Variants in SLC35D2 observed in about 807,000 individuals in gnomAD.
SLC35D2 encodes solute carrier family 35 member D2, also known as nucleotide sugar transporter SLC35D2.
Under a neutral mutation model 41.8 loss-of-function variants are expected in SLC35D2, and 43 were observed. That is an observed-to-expected ratio of 1.03 (90% CI 0.81 to 1.33). The LOEUF is 1.33. SLC35D2 is among the 40% of genes most tolerant of loss of function. The probability of loss-of-function intolerance (pLI) is 0.00; values close to 1 mark genes in which losing one functional copy is unlikely to be tolerated. For synonymous variants in SLC35D2, 150 were observed against 163.9 expected (o/e 0.92, Z 0.65); for missense variants, 380 against 408.4 (o/e 0.93, Z 0.60).
At chr9:96,365,244 G>T (rs569117652) in intron 2 of SLC35D2, among the ~76,000 whole-genome samples, 1 of 151,834 alleles carries the variant, frequency 6.6e-6, no homozygotes, top group Non-Finnish European at 1.5e-5. Context: ...CAGCTATTCG[G>T]GATACCGAGG....
chr9:96,324,031 G>A, intron 10 of SLC35D2, 60 bp downstream of exon 10: 1 of 1,450,104 alleles, frequency 6.9e-7, no homozygotes, highest in Non-Finnish European at 9.7e-7. Flanking sequence ...GCCTCCCATG[G>A]AATATTTGGA....
intron 4 of SLC35D2, among the ~76,000 whole-genome samples, chr9:96,353,744 G>T (rs1177702653): frequency 6.6e-6 from 1 of 152,190 alleles, no homozygotes; most frequent in African/African-American, 2.4e-5. Flanking sequence ...AAAATATATA[G>T]TTAAGAACCT....
At chr9:96,326,738 G>A (rs966999367) in intron 9 of SLC35D2, among the ~76,000 whole-genome samples, 9 of 151,502 alleles carry the variant, frequency 5.9e-5, no homozygotes, top group South Asian at 4.2e-4. Context: ...CCTGAGAGGC[G>A]GAGGTTGCAG....
chr9:96,324,406 T>TTAAG (rs1828409736), intron 9 of SLC35D2, among the ~76,000 whole-genome samples: 2 of 152,228 alleles, frequency 1.3e-5, no homozygotes, highest in Non-Finnish European at 2.9e-5. Flanking sequence ...TCATTTTCTC[T>TTAAG]GTACATTTCC....
chr9:96,344,858 T>C (rs1055390981), intron 7 of SLC35D2, among the ~76,000 whole-genome samples: 2 of 151,996 alleles, frequency 1.3e-5, no homozygotes, highest in African/African-American at 4.8e-5. Flanking sequence ...TCCATTGCAG[T>C]CATTTCATTC....
downstream of SLC35D2, among the ~76,000 whole-genome samples, chr9:96,318,227 G>A (rs10990415): frequency 0.54 from 81,340 of 151,898 alleles, 22,023 homozygotes; most frequent in African/African-American, 0.61. Flanking sequence ...TAGGAGGCCA[G>A]GGTGGGAGAA....
At chr9:96,317,969 G>A (rs1482434535), downstream of SLC35D2, among the ~76,000 whole-genome samples, 1 of 150,688 alleles carries the variant, frequency 6.6e-6, no homozygotes, top group African/African-American at 2.4e-5. Context: ...CTAGGAGTTC[G>A]AGATTGTAGT....
At chr9:96,342,772 A>G (rs949530801) in intron 8 of SLC35D2, among the ~76,000 whole-genome samples, 2 of 152,212 alleles carry the variant, frequency 1.3e-5, no homozygotes, top group African/African-American at 4.8e-5. Flanking sequence ...CAAGTGAGAA[A>G]GTCCAGCTGG....
chr9:96,333,467 C>T (rs1276983722), intron 9 of SLC35D2, among the ~76,000 whole-genome samples: 2 of 151,506 alleles, frequency 1.3e-5, no homozygotes, highest in Non-Finnish European at 2.9e-5. Flanking sequence ...TGGTGGCGGG[C>T]GCCTGTAGTC....
intron 7 of SLC35D2, 24 bp from the exon 8 acceptor site, chr9:96,344,020 C>A: frequency 2.0e-6 from 3 of 1,496,650 alleles, no homozygotes; most frequent in Non-Finnish European, 1.8e-6. Context: ...AATGTAAAAA[C>A]CACTCAGTTT....
intron 11 of SLC35D2, 121 bp downstream of exon 11, chr9:96,321,877 T>C: frequency 4.8e-6 from 3 of 626,106 alleles, no homozygotes; most frequent in Non-Finnish European, 5.7e-6. Flanking sequence ...AATTAGAATG[T>C]CAAAACGCCT....
chr9:96,337,362 G>T (rs528853795), intron 8 of SLC35D2, among the ~76,000 whole-genome samples: 2 of 151,952 alleles, frequency 1.3e-5, no homozygotes, highest in East Asian at 3.9e-4. Flanking sequence ...TACAGGCACA[G>T]GCCACCATGC....
chr9:96,360,664 C>T (rs1830234379), intron 3 of SLC35D2, among the ~76,000 whole-genome samples: 1 of 144,998 alleles, frequency 6.9e-6, no homozygotes, highest in Non-Finnish European at 1.5e-5. Context: ...AGAAAAGGTG[C>T]GCCTTCTCAC....
At chr9:96,375,465 C>G (rs1355660527) in intron 1 of SLC35D2, among the ~76,000 whole-genome samples, 1 of 150,754 alleles carries the variant, frequency 6.6e-6, no homozygotes, top group Non-Finnish European at 1.5e-5. Flanking sequence ...GTAATCCCAA[C>G]TACTCAAGAA....
chr9:96,374,781 T>A lies in SLC35D2; in HGVS notation c.159-6476A>T, dbSNP rs562760817. ...TGAACCCGGAAGGCAGAGCTTACAGTGAGCCAAGATCACGCCACTGCACTC... is the reference window on the plus strand; with the variant it reads ...TGAACCCGGAAGGCAGAGCTTACAGAGAGCCAAGATCACGCCACTGCACTC... On this transcript the variant is annotated intron_variant, in intron 1 of 11. Transcript: ENST00000253270. Among the ~76,000 whole-genome samples, 386 of 147,712 alleles carry A rather than the reference T, an allele frequency of 2.6e-3. 1 individual carries two copies. The highest frequency in any genetic ancestry group is 9.1e-3 in the African/African-American group (363 of 39,900).
intron 9 of SLC35D2, among the ~76,000 whole-genome samples, chr9:96,334,503 T>C (rs1828958886): frequency 6.6e-6 from 1 of 151,948 alleles, no homozygotes; most frequent in South Asian, 2.1e-4. Flanking sequence ...CCAGGTGTGG[T>C]GGTGGGCAAC....
chr9:96,376,324 TG>T (rs1830955226), intron 1 of SLC35D2, among the ~76,000 whole-genome samples: 1 of 140,510 alleles, frequency 7.1e-6, no homozygotes, highest in Non-Finnish European at 1.5e-5. Context: ...ATACAAAAAC[TG>T]GCTGGGCGCA....
At chr9:96,353,046 C>A (rs1829871634) in intron 4 of SLC35D2, among the ~76,000 whole-genome samples, 1 of 151,750 alleles carries the variant, frequency 6.6e-6, no homozygotes, top group Non-Finnish European at 1.5e-5. Context: ...GACCTTGGAC[C>A]TAATTACTTC....
rs111913950 is a variant in SLC35D2, at chr9:96,359,533, T to C, written c.347+621A>G. Among the ~76,000 whole-genome samples, 376 of 149,652 alleles carry C rather than the reference T, an allele frequency of 2.5e-3. 1 individual carries two copies. The highest frequency in any genetic ancestry group is 8.6e-3 in the African/African-American group (351 of 40,652). ...GGTGAAACCCTGTCTCTACTAAAAA[T>C]ACAAAACTTAGCCAGGCGTGGTGGC... On this transcript the variant is annotated intron_variant, in intron 4 of 11. Transcript: ENST00000253270.
Sources: allele counts gnomAD v4.1 joint callset (sites outside exome capture counted in the v4.1 genomes callset), GRCh38; gene constraint gnomAD v4.1.1; transcripts MANE v1.5; gene names NCBI Gene and HGNC (gene_info 2026-07-23, HGNC 2026-07-21).